BCAS1: variants seen among roughly 807,000 people sequenced by gnomAD.
BCAS1 encodes the protein brain enriched myelin associated protein 1, also known as breast carcinoma-amplified sequence 1.
A neutral mutation model predicts 65.4 loss-of-function variants in BCAS1; 46 were observed. That is an observed-to-expected ratio of 0.70 (90% CI 0.55 to 0.90). The LOEUF is 0.90. BCAS1 is among the 40% of genes least tolerant of loss of function. BCAS1 has a pLI of 0.00. For missense variants in BCAS1, 793 were observed against 771.2 expected (o/e 1.03, Z -0.33); for synonymous variants, 298 against 293.5 (o/e 1.02, Z -0.16).
chr20:54,066,506 C>G (rs1399082320), intron 1 of BCAS1, among the ~76,000 whole-genome samples: 6 of 152,196 alleles, frequency 3.9e-5, no homozygotes, highest in African/African-American at 1.4e-4. Flanking sequence ...TGTTGAAGCC[C>G]TAACGTGCAA....
At chr20:53,963,996 T>C (rs935295018) in intron 10 of BCAS1, among the ~76,000 whole-genome samples, 4 of 152,268 alleles carry the variant, frequency 2.6e-5, no homozygotes, top group African/African-American at 9.6e-5. Context: ...ATGTCTGTTT[T>C]ATTCTCCGCC....
chr20:54,058,062 G>A (rs1399799560), intron 3 of BCAS1, 23 bp downstream of exon 3: 7 of 1,588,926 alleles, frequency 4.4e-6, no homozygotes, highest in South Asian at 1.1e-5. Context: ...GAGGGTAGAT[G>A]CCCTTCCCAG....
At chr20:53,977,293 A>G (rs976019973) in intron 8 of BCAS1, among the ~76,000 whole-genome samples, 3 of 152,184 alleles carry the variant, frequency 2.0e-5, no homozygotes, top group African/African-American at 7.2e-5. Flanking sequence ...ACCATATCAG[A>G]TACTTTCTTG....
intron 3 of BCAS1, among the ~76,000 whole-genome samples, chr20:54,041,986 T>C (rs1568912271): frequency 7.1e-6 from 1 of 140,922 alleles, no homozygotes; most frequent in African/African-American, 2.7e-5. Context: ...CTTTGGAAAA[T>C]AGCTCAGTAA....
chr20:54,024,806 T>A, intron 4 of BCAS1, among the ~76,000 whole-genome samples: 1 of 152,120 alleles, frequency 6.6e-6, no homozygotes, highest in Non-Finnish European at 1.5e-5. Context: ...CCTATAGGAT[T>A]TGGCAGCCAG....
At chr20:54,020,460 A>G (rs1013515896) in intron 4 of BCAS1, among the ~76,000 whole-genome samples, 5 of 152,240 alleles carry the variant, frequency 3.3e-5, no homozygotes, top group Admixed American at 6.5e-5. Context: ...GTGAAATCGT[A>G]TACACCACAT....
chr20:54,052,019 G>C (rs540431902), intron 3 of BCAS1, among the ~76,000 whole-genome samples: 1 of 152,132 alleles, frequency 6.6e-6, no homozygotes, highest in African/African-American at 2.4e-5. Context: ...GATTACACGC[G>C]TGAGCCACTG....
At chr20:54,015,922 A>T (rs1185625448) in intron 4 of BCAS1, among the ~76,000 whole-genome samples, 1 of 152,226 alleles carries the variant, frequency 6.6e-6, no homozygotes, top group Admixed American at 6.5e-5. Context: ...AAAAAGAGAA[A>T]ATACAGATAA....
chr20:54,049,317 T>C (rs1465476710), intron 3 of BCAS1, among the ~76,000 whole-genome samples: 1 of 152,186 alleles, frequency 6.6e-6, no homozygotes, highest in East Asian at 1.9e-4. Context: ...CAAACATTCC[T>C]TCTGTTTCTG....
intron 6 of BCAS1, 108 bp downstream of exon 6, chr20:53,994,904 C>T: frequency 2.4e-6 from 2 of 849,416 alleles, no homozygotes; most frequent in African/African-American, 1.8e-5. Context: ...CACACACACA[C>T]ACACACACAC....
chr20:54,037,128 A>T (rs933202698), intron 3 of BCAS1, among the ~76,000 whole-genome samples: 4 of 151,462 alleles, frequency 2.6e-5, no homozygotes, highest in African/African-American at 9.6e-5. Flanking sequence ...TACTGCTATA[A>T]AGAGCTGCCC....
At chr20:53,981,059 A>G (rs150458867) in intron 8 of BCAS1, among the ~76,000 whole-genome samples, 76 of 152,358 alleles carry the variant, frequency 5.0e-4, no homozygotes, top group African/African-American at 1.7e-3. Flanking sequence ...CTAGAATAAC[A>G]GAGTTTCCTC....
intron 3 of BCAS1, among the ~76,000 whole-genome samples, chr20:54,035,015 A>G (rs929271285): frequency 4.6e-5 from 7 of 151,412 alleles, no homozygotes; most frequent in African/African-American, 1.7e-4. Context: ...GACAAACCTG[A>G]CAAAAACATG....
At chr20:53,960,490 AAAAAAAG>A (rs1174635307) in intron 10 of BCAS1, among the ~76,000 whole-genome samples, 4,527 of 138,560 alleles carry the variant, frequency 0.033, 311 homozygotes, top group African/African-American at 0.1. Flanking sequence ...AAAAAAAAAA[AAAAAAAG>A]AGAGAGAGAG....
At position 54,028,791 on chromosome 20, in the gene BCAS1, T is replaced by A; in HGVS notation, c.324A>T (p.Gly108=). Residue 108 remains glycine, a synonymous_variant, in exon 4 of 13, where the codon GGA becomes GGT. Coordinates refer to ENST00000688948, the MANE Select transcript of BCAS1 (RefSeq NM_001366298.2). ...MLSRPVPGRT[G]DQAADSSLGS... is the part of the protein sequence containing the mutation. ...CAAGGGATGAATCTGCGGCTTGGTC[T>A]CCGGTACGTCCTGGTACAGGCCGAG... 1 of 1,614,178 alleles carries A rather than the reference T, an allele frequency of 6.2e-7. No homozygotes were observed. The highest frequency in any genetic ancestry group is 1.1e-5 in the South Asian group (1 of 91,090).
At chr20:54,058,593 CTTTTTTT>C (rs3043223) in intron 2 of BCAS1, 47 bp downstream of exon 2, 43 of 1,224,474 alleles carry the variant, frequency 3.5e-5, no homozygotes, top group East Asian at 1.7e-4. Flanking sequence ...ACAGGAAGTT[CTTTTTTT>C]TTTTTTTTTT....
At chr20:54,058,773 A>G (rs2092337931) in intron 1 of BCAS1, 50 bp from the exon 2 acceptor site, 2 of 1,600,188 alleles carry the variant, frequency 1.2e-6, no homozygotes, top group Non-Finnish European at 1.7e-6. Context: ...AAACCAAACG[A>G]AGCTACATGT....
intron 8 of BCAS1, among the ~76,000 whole-genome samples, chr20:53,982,341 T>G (rs1425163562): frequency 6.6e-6 from 1 of 152,250 alleles, no homozygotes; most frequent in Non-Finnish European, 1.5e-5. Context: ...AACTGCATTT[T>G]AAACACGTTT....
chr20:53,991,453 T>C lies in BCAS1; in HGVS notation c.1062+1059A>G, dbSNP rs551573748. Among the ~76,000 whole-genome samples the C allele has an allele frequency of 2.0e-4, 30 of 152,320 alleles. No homozygotes were observed. The South Asian group carries it at 6.0e-3, about 30-fold the overall frequency. ...CATATACAATCCCGGGACTGTGACA[T>C]CCAGGTAGGGAAGTTTTTTTAATAC... On this transcript the variant is annotated intron_variant, in intron 7 of 12. Coordinates refer to ENST00000688948, the MANE Select transcript of BCAS1 (RefSeq NM_001366298.2).
Sources: gnomAD v4.1 joint callset for allele counts (sites outside exome capture counted in the v4.1 genomes callset) on GRCh38, gnomAD v4.1.1 for gene constraint, MANE v1.5 for transcripts, NCBI Gene and HGNC (gene_info 2026-07-23, HGNC 2026-07-21) for gene names.